Variants in C10orf90 observed in about 807,000 individuals in gnomAD.
The protein encoded by C10orf90 is (E2-independent) E3 ubiquitin-conjugating enzyme FATS.
C10orf90 carries 56 observed loss-of-function variants against 62.5 expected under a neutral mutation model. The ratio of observed to expected loss-of-function variants is 0.90; its 90% CI spans 0.72 to 1.12. C10orf90 has a LOEUF of 1.12. C10orf90 is among the 50% of genes most tolerant of loss of function. C10orf90 has a pLI of 0.00. For missense variants in C10orf90, 970 were observed against 880.4 expected (o/e 1.10, Z -1.29); for synonymous variants, 386 against 340.4 (o/e 1.13, Z -1.47).
chr10:126,466,332 T>G (rs1322423985), intron 4 of C10orf90, among the ~76,000 whole-genome samples: 1 of 151,050 alleles, frequency 6.6e-6, no homozygotes, highest in Non-Finnish European at 1.5e-5. Flanking sequence ...GCTAACACGG[T>G]GAAATCCCGT....
rs183601112 is a variant in C10orf90 at position 126,649,231 on chromosome 10, G to A, written c.241-2594C>T. 2.4e-3 allele frequency among the ~76,000 whole-genome samples: 362 copies of A among 152,156 alleles called. 7 individuals are homozygous for A. The highest frequency in any genetic ancestry group is 4.6e-4 in the Admixed American group (7 of 15,276). The stretch of plus-strand genomic sequence containing the variant: ...ATGGGGTGATTCAGGAACTTCTTTC[G>A]TCAGCTGGACCCCAGGTCTTAGTCC... On this transcript the variant is annotated intron_variant, in intron 1 of 9. Coordinates refer to ENST00000488181, the MANE Select transcript of C10orf90 (RefSeq NM_001350921.2).
intron 2 of C10orf90, among the ~76,000 whole-genome samples, chr10:126,634,837 A>C (rs1424424209): frequency 6.6e-6 from 1 of 152,202 alleles, no homozygotes; most frequent in East Asian, 1.9e-4. Context: ...TTTCACCCAG[A>C]CACTGACTCT....
Position 126,660,929 on chromosome 10 carries a change from G to T in C10orf90, c.240+9312C>A, listed in dbSNP as rs114018331. ...GAGAACCCCTACTGTTAACCCTGTG[G>T]ACCATGATTTTGGAAACACTTAACG... On this transcript the variant is annotated intron_variant, in intron 1 of 9. Coordinates refer to ENST00000488181, the MANE Select transcript of C10orf90 (RefSeq NM_001350921.2). Among the ~76,000 whole-genome samples the T allele has an allele frequency of 9.0e-3, 1,376 of 152,290 alleles. 19 individuals carry two copies. The highest frequency in any genetic ancestry group is 0.031 in the African/African-American group (1,284 of 41,556).
At chr10:126,644,159 C>T (rs1846118839) in intron 2 of C10orf90, among the ~76,000 whole-genome samples, 2 of 152,220 alleles carry the variant, frequency 1.3e-5, no homozygotes, top group Non-Finnish European at 2.9e-5. Flanking sequence ...ATCATGTTCA[C>T]CTTCCCCCAC....
rs1564828261 is a variant in C10orf90 at position 126,490,055 on chromosome 10, T to TAA, written c.1534+13901_1534+13902insTT. 2.0e-4 allele frequency among the ~76,000 whole-genome samples: 19 copies of TAA among 95,158 alleles called. No homozygotes were observed. The South Asian group carries it at 2.7e-3, about 13-fold the overall frequency. 62.4% of individuals were successfully genotyped at this position (95,158 alleles called of 152,430 possible). On this transcript the variant is annotated intron_variant, in intron 4 of 9. Transcript: ENST00000488181. ...TATATAATATATATTATATATTATG[T>TAA]TATATAATATATAATATATAATATA...
At chr10:126,666,693 A>G (rs1846633883) in intron 1 of C10orf90, among the ~76,000 whole-genome samples, 1 of 152,038 alleles carries the variant, frequency 6.6e-6, no homozygotes, top group Non-Finnish European at 1.5e-5. Flanking sequence ...AAAGTTCACT[A>G]TGAGGCCAGG....
intron 2 of C10orf90, among the ~76,000 whole-genome samples, chr10:126,515,137 T>G (rs1242430995): frequency 6.6e-6 from 1 of 152,254 alleles, no homozygotes; most frequent in Non-Finnish European, 1.5e-5. Context: ...AATGAAGGAC[T>G]GCATATATGA....
At position 126,670,584 on chromosome 10, in the gene C10orf90, A is replaced by G. The variant is rs1846730463; in HGVS notation, c.-104T>C. ...ACAGGAGGGACTTGGGCAGTGCCCCAGCTCGGACCTGTCCCAGTGTTTTCC... is the reference window on the plus strand; with the variant it reads ...ACAGGAGGGACTTGGGCAGTGCCCCGGCTCGGACCTGTCCCAGTGTTTTCC... On this transcript the variant is annotated 5_prime_UTR_variant, in exon 1 of 10. Coordinates refer to ENST00000488181, the MANE Select transcript of C10orf90 (RefSeq NM_001350921.2). 2 of 394,094 alleles carry G rather than the reference A, an allele frequency of 5.1e-6. No individual in the cohort carries two copies. The highest frequency in any genetic ancestry group is 2.8e-5 in the Admixed American group (1 of 35,960). 24.4% of individuals were successfully genotyped at this position (394,094 alleles called of 1,614,324 possible).
At chr10:126,538,707 C>T (rs1044594408) in intron 2 of C10orf90, among the ~76,000 whole-genome samples, 23 of 152,252 alleles carry the variant, frequency 1.5e-4, no homozygotes, top group Admixed American at 1.3e-3. Context: ...GTAACTTGTT[C>T]GACATCCCAC....
chr10:126,428,423 A>T (rs1489782970), intron 8 of C10orf90, among the ~76,000 whole-genome samples: 5 of 152,210 alleles, frequency 3.3e-5, no homozygotes, highest in Non-Finnish European at 7.3e-5. Flanking sequence ...CAAAGAAAAG[A>T]AAGCTCCAGG....
intron 2 of C10orf90, among the ~76,000 whole-genome samples, chr10:126,546,585 C>A (rs61134130): frequency 6.6e-5 from 10 of 152,284 alleles, no homozygotes; most frequent in South Asian, 2.1e-4. Context: ...AGCCTCCCCC[C>A]ACCCAGGGAG....
chr10:126,553,859 T>C (rs1271361007), intron 2 of C10orf90, among the ~76,000 whole-genome samples: 3 of 152,090 alleles, frequency 2.0e-5, no homozygotes, highest in Admixed American at 6.6e-5. Context: ...TTTGACAATA[T>C]CAAGTTTTAG....
intron 4 of C10orf90, among the ~76,000 whole-genome samples, chr10:126,502,103 C>CCA (rs59839146): frequency 3.6e-5 from 5 of 138,612 alleles, no homozygotes; most frequent in Admixed American, 1.4e-4. Flanking sequence ...CACACACACA[C>CCA]CACACACACA....
chr10:126,553,738 C>T (rs1365116710), intron 2 of C10orf90, among the ~76,000 whole-genome samples: 3 of 152,170 alleles, frequency 2.0e-5, no homozygotes, highest in Non-Finnish European at 4.4e-5. Flanking sequence ...TACATATACT[C>T]TATGATAGTT....
At chr10:126,625,961 A>AAAAAT (rs1389802217) in intron 2 of C10orf90, among the ~76,000 whole-genome samples, 17 of 152,162 alleles carry the variant, frequency 1.1e-4, no homozygotes, top group Admixed American at 4.6e-4. Flanking sequence ...CCAAAAATAC[A>AAAAAT]AAAATAAAAT....
At position 126,463,829 on chromosome 10, in the gene C10orf90, C is replaced by T. The variant is rs547964503; in HGVS notation, c.1825+867G>A. Among the ~76,000 whole-genome samples, 10 of 152,336 alleles carry T rather than the reference C, an allele frequency of 6.6e-5. No homozygotes were observed. In the South Asian group the frequency reaches 8.3e-4, roughly 13 times the overall value. Reference sequence around the variant, plus strand: ...TGCTGCTGACCGTTTCCTGTGCCAACGGAGAGCCTAGAGGGCAGGGGATAT... The same window carrying T: ...TGCTGCTGACCGTTTCCTGTGCCAATGGAGAGCCTAGAGGGCAGGGGATAT... On this transcript the variant is annotated intron_variant, in intron 5 of 9. Coordinates refer to ENST00000488181, the MANE Select transcript of C10orf90 (RefSeq NM_001350921.2).
chr10:126,510,144 C>A (rs1336092639), intron 3 of C10orf90, among the ~76,000 whole-genome samples: 1 of 152,166 alleles, frequency 6.6e-6, no homozygotes, highest in Non-Finnish European at 1.5e-5. Context: ...TTAATCACTT[C>A]TTTAAAGACC....
chr10:126,605,690 G>A (rs1845293346), intron 2 of C10orf90, among the ~76,000 whole-genome samples: 2 of 151,948 alleles, frequency 1.3e-5, no homozygotes, highest in African/African-American at 4.8e-5. Flanking sequence ...GAGAGATGGA[G>A]CCTGCCAGGC....
At chr10:126,622,408 G>A (rs1845663687) in intron 2 of C10orf90, among the ~76,000 whole-genome samples, 1 of 152,126 alleles carries the variant, frequency 6.6e-6, no homozygotes, top group Admixed American at 6.5e-5. Flanking sequence ...TCCAAGCCCA[G>A]GTACTCCATG....
Sources: allele counts gnomAD v4.1 joint callset (sites outside exome capture counted in the v4.1 genomes callset), GRCh38; gene constraint gnomAD v4.1.1; transcripts MANE v1.5; gene names NCBI Gene and HGNC (gene_info 2026-07-23, HGNC 2026-07-21).